LRRTM4: variants seen among roughly 807,000 people sequenced by gnomAD.
The protein encoded by LRRTM4 is leucine-rich repeat transmembrane neuronal protein 4.
LRRTM4 carries 25 observed loss-of-function variants against 47.6 expected under a neutral mutation model. That is an observed-to-expected ratio of 0.53 (90% confidence interval 0.38 to 0.73). The LOEUF is 0.73. LRRTM4 is among the 30% of genes least tolerant of loss of function. LRRTM4 has a pLI of 0.00. For missense variants in LRRTM4, 638 were observed against 713.4 expected, an observed-to-expected ratio of 0.89 and a Z score of 1.20; for synonymous variants, 311 against 269.5, an observed-to-expected ratio of 1.15 and a Z score of -1.51.
intron 3 of LRRTM4, among the ~76,000 whole-genome samples, chr2:76,967,661 A>G (rs1368904236): frequency 6.6e-6 from 1 of 151,708 alleles, no homozygotes; most frequent in Non-Finnish European, 1.5e-5. Flanking sequence ...TGTGCTCTCA[A>G]CGCATGAGGA....
rs191919815 is a variant in LRRTM4 at position 77,343,704 on chromosome 2, T to C, written c.1551+174614A>G. On this transcript the variant is annotated intron_variant, in intron 3 of 3. Transcript: ENST00000409884. ...TTTATGAAGCACCTACTCTGTCATT[T>C]ACTGTTGTGAAAAGCTGATATGTTT... 9.9e-4 allele frequency among the ~76,000 whole-genome samples: 151 copies of C among 151,964 alleles called. 1 individual carries two copies. Among genetic ancestry groups the C allele is most frequent in the Non-Finnish European group, 1.6e-3 (111 of 67,894 alleles).
At chr2:77,376,545 T>C (rs1228618297) in intron 3 of LRRTM4, among the ~76,000 whole-genome samples, 1 of 151,486 alleles carries the variant, frequency 6.6e-6, no homozygotes, top group Non-Finnish European at 1.5e-5. Context: ...TTGATGACAG[T>C]TTTGAGAAAA....
At chr2:77,056,524 T>A (rs1316362982) in intron 3 of LRRTM4, among the ~76,000 whole-genome samples, 3 of 151,708 alleles carry the variant, frequency 2.0e-5, no homozygotes, top group Admixed American at 1.3e-4. Flanking sequence ...AGGCTTAAAA[T>A]CAATAAAAGG....
intron 3 of LRRTM4, among the ~76,000 whole-genome samples, chr2:77,399,799 C>T (rs1673867886): frequency 6.6e-6 from 1 of 151,892 alleles, no homozygotes; most frequent in Admixed American, 6.6e-5. Flanking sequence ...AAACATAACA[C>T]ACACTAACTT....
intron 3 of LRRTM4, among the ~76,000 whole-genome samples, chr2:77,267,086 T>C (rs1294842376): frequency 6.6e-6 from 1 of 152,138 alleles, no homozygotes; most frequent in African/African-American, 2.4e-5. Flanking sequence ...AATGTCCCCA[T>C]ACAAATTTTC....
At chr2:76,807,924 TTTCCTTTCCTTTCTTTC>T (rs1670589097) in intron 3 of LRRTM4, among the ~76,000 whole-genome samples, 1 of 116,998 alleles carries the variant, frequency 8.5e-6, no homozygotes, top group Non-Finnish European at 2.0e-5. Context: ...CTTTCCTTTC[TTTCCTTTCCTTTCTTTC>T]TTTCTTTCTT....
chr2:76,770,337 G>A (rs1673642228), intron 3 of LRRTM4, among the ~76,000 whole-genome samples: 1 of 152,082 alleles, frequency 6.6e-6, no homozygotes, highest in Non-Finnish European at 1.5e-5. Context: ...ACTTTTTGCT[G>A]TTCTGAACTC....
intron 3 of LRRTM4, among the ~76,000 whole-genome samples, chr2:77,083,680 T>C (rs985514707): frequency 4.6e-5 from 7 of 151,430 alleles, no homozygotes; most frequent in African/African-American, 1.7e-4. Flanking sequence ...TCAATTATTC[T>C]AATGCTCCTT....
intron 3 of LRRTM4, among the ~76,000 whole-genome samples, chr2:77,001,750 T>C (rs79524320): frequency 0.018 from 2,699 of 152,286 alleles, 88 homozygotes; most frequent in African/African-American, 0.062. Context: ...CAGTGCTTCC[T>C]GAGCCTTTCT....
intron 3 of LRRTM4, among the ~76,000 whole-genome samples, chr2:77,408,512 A>G (rs1214836613): frequency 6.6e-6 from 1 of 152,192 alleles, no homozygotes; most frequent in Non-Finnish European, 1.5e-5. Flanking sequence ...GAAATATAAA[A>G]TCAGTTCTTA....
intron 3 of LRRTM4, among the ~76,000 whole-genome samples, chr2:77,300,210 G>A (rs1573217513): frequency 6.6e-6 from 1 of 152,210 alleles, no homozygotes; most frequent in East Asian, 1.9e-4. Flanking sequence ...TAAAAGCAAT[G>A]ACTTCTAGGA....
intron 3 of LRRTM4, among the ~76,000 whole-genome samples, chr2:76,799,418 C>A (rs1334539898): frequency 7.9e-6 from 1 of 126,046 alleles, no homozygotes; most frequent in Non-Finnish European, 1.6e-5. Context: ...ATGCTAAAAA[C>A]TCTCAATAAA....
intron 3 of LRRTM4, among the ~76,000 whole-genome samples, chr2:76,782,271 C>T (rs987669986): frequency 6.6e-6 from 1 of 152,156 alleles, no homozygotes; most frequent in Non-Finnish European, 1.5e-5. Flanking sequence ...ACACTGGATT[C>T]ATTTATCTTG....
intron 3 of LRRTM4, among the ~76,000 whole-genome samples, chr2:77,376,862 T>A (rs1274063617): frequency 1.3e-5 from 2 of 151,824 alleles, no homozygotes; most frequent in East Asian, 3.9e-4. Flanking sequence ...ACTAAGCACA[T>A]CCCATACTCA....
chr2:76,918,064 A>T (rs1674314095), intron 3 of LRRTM4, among the ~76,000 whole-genome samples: 1 of 152,198 alleles, frequency 6.6e-6, no homozygotes, highest in Admixed American at 6.5e-5. Context: ...TGATATTTTA[A>T]GGTAGTAGTT....
chr2:77,096,647 G>A (rs969585449), intron 3 of LRRTM4, among the ~76,000 whole-genome samples: 1 of 151,430 alleles, frequency 6.6e-6, no homozygotes, highest in Non-Finnish European at 1.5e-5. Flanking sequence ...ATTGATTTGA[G>A]AATATAGAGA....
At chr2:77,427,425 A>C (rs541471050) in intron 3 of LRRTM4, among the ~76,000 whole-genome samples, 1 of 152,320 alleles carries the variant, frequency 6.6e-6, no homozygotes, top group East Asian at 1.9e-4. Context: ...GTAAATATTT[A>C]CCCTTTACCA....
chr2:76,798,777 C>T (rs868345910), intron 3 of LRRTM4, among the ~76,000 whole-genome samples: 23,549 of 149,884 alleles, frequency 0.16, 1,910 homozygotes, highest in African/African-American at 0.2. Context: ...ATATCACCAC[C>T]GATCCCACAG....
intron 3 of LRRTM4, among the ~76,000 whole-genome samples, chr2:76,875,407 G>A (rs781275462): frequency 5.9e-5 from 9 of 152,002 alleles, no homozygotes; most frequent in Non-Finnish European, 1.3e-4. Context: ...ACTACAGACT[G>A]ATTTTTTAGC....
Sources: allele counts gnomAD v4.1 joint callset (sites outside exome capture counted in the v4.1 genomes callset), GRCh38; gene constraint gnomAD v4.1.1; transcripts MANE v1.5; gene names NCBI Gene and HGNC (gene_info 2026-07-23, HGNC 2026-07-21).